The following LDAH variants were observed in gnomAD, a reference collection of about 807,000 sequenced individuals.
LDAH encodes the protein lipid droplet-associated hydrolase.
Under a neutral mutation model 29.6 loss-of-function variants are expected in LDAH, and 26 were observed. The ratio of observed to expected loss-of-function variants is 0.88; its 90% CI spans 0.64 to 1.22. The LOEUF is 1.22. Ranked by LOEUF, LDAH falls within the 50% of genes most tolerant of loss-of-function variation. The probability of loss-of-function intolerance (pLI) is 0.00; values close to 1 mark genes in which losing one functional copy is unlikely to be tolerated. For synonymous variants in LDAH, 117 were observed against 133.0 expected (o/e 0.88, Z 0.83); for missense variants, 344 against 387.3 (o/e 0.89, Z 0.94).
intron 1 of LDAH, among the ~76,000 whole-genome samples, chr2:20,808,372 C>T (rs1475675489): frequency 6.6e-6 from 1 of 151,944 alleles, no homozygotes; most frequent in East Asian, 1.9e-4. Flanking sequence ...TCAAGAATAA[C>T]AAGACAAGGC....
intron 4 of LDAH, among the ~76,000 whole-genome samples, chr2:20,743,842 C>T (rs1273140952): frequency 6.6e-6 from 1 of 150,824 alleles, no homozygotes; most frequent in Non-Finnish European, 1.5e-5. Flanking sequence ...TCCCCTTATG[C>T]ATATGTTTCA....
Position 20,818,996 on chromosome 2 carries a change from C to T in LDAH, c.-3+4041G>A, listed in dbSNP as rs1673057171. ...TGCTGTCTGAATGACTGCACACTAACCCCAGTGAGATTTTTCTTAAATCTG... is the reference window on the plus strand; with the variant it reads ...TGCTGTCTGAATGACTGCACACTAATCCCAGTGAGATTTTTCTTAAATCTG... On this transcript the variant is annotated intron_variant, in intron 1 of 6. Coordinates refer to ENST00000237822, the MANE Select transcript of LDAH (RefSeq NM_021925.4). Among the ~76,000 whole-genome samples, 3 of 152,200 alleles carry T rather than the reference C, an allele frequency of 2.0e-5. No homozygotes were observed. The South Asian group carries it at 6.2e-4, about 32-fold the overall frequency.
chr2:20,820,194 G>A (rs1673156205), intron 1 of LDAH, among the ~76,000 whole-genome samples: 2 of 151,544 alleles, frequency 1.3e-5, no homozygotes, highest in South Asian at 2.1e-4. Context: ...ACTGCCCAAG[G>A]TAATTTATAG....
downstream of LDAH, among the ~76,000 whole-genome samples, chr2:20,682,533 G>GA (rs1253184961): frequency 1.3e-5 from 2 of 152,224 alleles, no homozygotes; most frequent in African/African-American, 4.8e-5. Flanking sequence ...CTGGAGGCTG[G>GA]AAAGTCCAAG....
At chr2:20,807,354 T>C (rs919144952) in intron 1 of LDAH, among the ~76,000 whole-genome samples, 2 of 152,116 alleles carry the variant, frequency 1.3e-5, no homozygotes, top group African/African-American at 4.8e-5. Flanking sequence ...GAGGGACACT[T>C]CCCAACTCAT....
intron 2 of LDAH, among the ~76,000 whole-genome samples, chr2:20,790,772 T>C (rs1222667991): frequency 1.3e-5 from 2 of 152,202 alleles, no homozygotes; most frequent in Non-Finnish European, 2.9e-5. Context: ...CACTTATCAC[T>C]AGCACTTATA....
At chr2:20,797,212 A>C (rs944078146) in intron 2 of LDAH, among the ~76,000 whole-genome samples, 21 of 152,254 alleles carry the variant, frequency 1.4e-4, no homozygotes, top group African/African-American at 4.8e-4. Flanking sequence ...TGGTTAAAAC[A>C]AAGAGAAATT....
intron 3 of LDAH, among the ~76,000 whole-genome samples, chr2:20,785,176 A>C (rs908057905): frequency 1.3e-5 from 2 of 152,190 alleles, no homozygotes; most frequent in Admixed American, 6.5e-5. Context: ...TTGAGTTTCT[A>C]ATCTCTATCG....
At chr2:20,758,885 C>G (rs527365309) in intron 4 of LDAH, among the ~76,000 whole-genome samples, 2 of 152,130 alleles carry the variant, frequency 1.3e-5, no homozygotes, top group African/African-American at 4.8e-5. Context: ...CAACTATGAA[C>G]GGAAGGAAAC....
intron 6 of LDAH, among the ~76,000 whole-genome samples, chr2:20,699,677 A>T (rs1373039842): frequency 6.6e-6 from 1 of 152,214 alleles, no homozygotes; most frequent in Admixed American, 6.5e-5. Flanking sequence ...CTCAAAAACA[A>T]AACTATTGCC....
At chr2:20,748,005 A>G (rs2124880697) in intron 4 of LDAH, among the ~76,000 whole-genome samples, 1 of 152,288 alleles carries the variant, frequency 6.6e-6, no homozygotes, top group South Asian at 2.1e-4. Flanking sequence ...TATTGTTTGG[A>G]GGCAATTTTC....
intron 4 of LDAH, among the ~76,000 whole-genome samples, chr2:20,743,423 C>T (rs910726801): frequency 6.6e-6 from 1 of 151,576 alleles, no homozygotes; most frequent in South Asian, 2.1e-4. Context: ...CCCAAGTCCA[C>T]TTTTAAATAA....
chr2:20,816,980 A>C (rs1672897366), intron 1 of LDAH, among the ~76,000 whole-genome samples: 1 of 152,086 alleles, frequency 6.6e-6, no homozygotes, highest in Non-Finnish European at 1.5e-5. Context: ...GGGTCAAGCA[A>C]ATTTCTAAGG....
intron 3 of LDAH, among the ~76,000 whole-genome samples, chr2:20,779,102 A>C (rs1401582070): frequency 2.0e-5 from 3 of 152,192 alleles, no homozygotes; most frequent in Admixed American, 1.3e-4. Flanking sequence ...ATCTCACACC[A>C]GAATTTGCTC....
At chr2:20,752,985 A>T (rs900203045) in intron 4 of LDAH, among the ~76,000 whole-genome samples, 3 of 152,166 alleles carry the variant, frequency 2.0e-5, no homozygotes, top group African/African-American at 7.2e-5. Context: ...GACAACAACA[A>T]CAACAACAAC....
intron 3 of LDAH, chr2:20,789,472 T>C: frequency 7.4e-7 from 1 of 1,347,018 alleles, no homozygotes; most frequent in Non-Finnish European, 9.8e-7. Context: ...GGTATTTTGC[T>C]ATAGCAGCCC....
intron 4 of LDAH, among the ~76,000 whole-genome samples, chr2:20,774,408 T>G (rs1669646908): frequency 1.3e-5 from 2 of 152,232 alleles, no homozygotes; most frequent in African/African-American, 4.8e-5. Context: ...TCAGTGATGA[T>G]GATGATACAT....
intron 5 of LDAH, among the ~76,000 whole-genome samples, chr2:20,726,574 C>T (rs1481967842): frequency 7.2e-5 from 11 of 152,252 alleles, no homozygotes; most frequent in Non-Finnish European, 1.3e-4. Context: ...AATTCTTCAG[C>T]GGTTATTTAT....
In LDAH at chr2:20,774,877, A is replaced by C; in HGVS notation, c.401T>G (p.Val134Gly). Residue 134 changes from valine (V) to glycine (G), a missense_variant, in exon 4 of 7, where the codon GTG becomes GGG. By Grantham distance (109) the Val-to-Gly change is moderately radical (BLOSUM62 -3). Coordinates refer to ENST00000237822, the MANE Select transcript of LDAH (RefSeq NM_021925.4). The part of the protein sequence containing the change: ...RTHVPKDMKL[V>G]LIGHSIGSYF... ...GCTGCCTATTGAATGGCCAATGAGC[A>C]CAAGTTTCATGTCCTTTGGCACATG... The C allele has an allele frequency of 6.2e-7, 1 of 1,613,714 alleles. No homozygotes were observed. The highest frequency in any genetic ancestry group is 1.1e-5 in the South Asian group (1 of 91,066).
Sources: gnomAD v4.1 joint callset for allele counts (sites outside exome capture counted in the v4.1 genomes callset) on GRCh38, gnomAD v4.1.1 for gene constraint, MANE v1.5 for transcripts, NCBI Gene and HGNC (gene_info 2026-07-23, HGNC 2026-07-21) for gene names.